SYN3: variants seen among roughly 807,000 people sequenced by gnomAD.
The protein encoded by SYN3 is synapsin III, also known as synapsin-3.
Under a neutral mutation model 65.8 loss-of-function variants are expected in SYN3, and 35 were observed. That is an observed-to-expected ratio of 0.53 (90% CI 0.41 to 0.70). The LOEUF is 0.70. SYN3 is among the 30% of genes least tolerant of loss of function. The pLI, the probability that SYN3 is intolerant of heterozygous loss-of-function variation, is 0.00. For synonymous variants in SYN3, 270 were observed against 292.9 expected (o/e 0.92, Z 0.80); for missense variants, 680 against 749.0 (o/e 0.91, Z 1.08).
intron 6 of SYN3, among the ~76,000 whole-genome samples, chr22:32,863,332 A>AC (rs1355817949): frequency 6.6e-6 from 1 of 152,126 alleles, no homozygotes; most frequent in Non-Finnish European, 1.5e-5. Flanking sequence ...TGGTACAAGT[A>AC]CCCCCAGACT....
intron 6 of SYN3, among the ~76,000 whole-genome samples, chr22:32,615,274 A>C (rs1296978663): frequency 6.6e-6 from 1 of 151,898 alleles, no homozygotes; most frequent in African/African-American, 2.4e-5. Flanking sequence ...GTCTCTACTA[A>C]AAATACAAAA....
chr22:32,682,198 C>A lies in SYN3; in HGVS notation c.712-85462G>T, dbSNP rs1008154625. Among the ~76,000 whole-genome samples, 4 of 152,264 alleles carry A rather than the reference C, an allele frequency of 2.6e-5. No individual in the cohort carries two copies. In the South Asian group the frequency reaches 8.3e-4, roughly 32 times the overall value. On this transcript the variant is annotated intron_variant, in intron 6 of 13. Coordinates refer to ENST00000358763, the MANE Select transcript of SYN3 (RefSeq NM_003490.4). ...ACTTGGGAGTGGGGGTGGGATGCTA[C>A]TGGCCTCTAGTAGGCAAAGGTCAGG...
At chr22:32,747,889 A>G (rs531533562) in intron 6 of SYN3, among the ~76,000 whole-genome samples, 114 of 152,324 alleles carry the variant, frequency 7.5e-4, no homozygotes, top group African/African-American at 2.6e-3. Context: ...CAGTACAGGT[A>G]CACTGGCCAC....
intron 1 of SYN3, among the ~76,000 whole-genome samples, chr22:33,050,908 C>T (rs905319892): frequency 1.3e-5 from 2 of 152,158 alleles, no homozygotes; most frequent in African/African-American, 4.8e-5. Flanking sequence ...AAATTAAAAC[C>T]CGTATAAAGC....
At position 32,528,878 on chromosome 22, in the gene SYN3, G is replaced by A. The variant is rs1335749811; in HGVS notation, c.1226C>T (p.Pro409Leu). The change falls in exon 11 of 14, where the codon CCT becomes CTT. Residue 409 changes from proline (P) to leucine (L), a missense_variant. Physicochemically the swap from Pro to Leu is moderately conservative, Grantham distance 98. Transcript: ENST00000358763. The part of the protein sequence containing the change: ...PGGTAPSPLR[P>L]WAPQIKSAKS... ...CTTTGATCGTGAGGGTCTTACCCAA[G>A]GTCTGAGGGGGGAGGGCGCTGTGCC... The A allele has an allele frequency of 1.9e-6, 3 of 1,614,160 alleles. No individual in the cohort carries two copies. Among genetic ancestry groups the A allele is most frequent in the Non-Finnish European group, 2.5e-6 (3 of 1,180,030 alleles).
chr22:32,813,675 T>C (rs1346414789), intron 6 of SYN3, among the ~76,000 whole-genome samples: 2 of 151,780 alleles, frequency 1.3e-5, no homozygotes, highest in Non-Finnish European at 2.9e-5. Flanking sequence ...TTTTTTTTTT[T>C]TGGCAAAATG....
intron 4 of SYN3, among the ~76,000 whole-genome samples, chr22:32,930,512 C>CT (rs963593992): frequency 1.1e-4 from 16 of 151,268 alleles, no homozygotes; most frequent in Admixed American, 2.0e-4. Context: ...AAACATGCAC[C>CT]TTTTTTTTTG....
intron 6 of SYN3, among the ~76,000 whole-genome samples, chr22:32,840,735 C>T (rs1361864508): frequency 6.6e-6 from 1 of 152,184 alleles, no homozygotes; most frequent in Non-Finnish European, 1.5e-5. Context: ...GGCTGAGGCT[C>T]AGATCTGATG....
chr22:32,573,360 C>T (rs1006508304), intron 7 of SYN3, among the ~76,000 whole-genome samples: 1 of 152,126 alleles, frequency 6.6e-6, no homozygotes, highest in Non-Finnish European at 1.5e-5. Context: ...AGAATAAGGC[C>T]TCTCCTTCCA....
chr22:32,545,699 T>C (rs948086519), intron 7 of SYN3, among the ~76,000 whole-genome samples: 2 of 152,210 alleles, frequency 1.3e-5, no homozygotes, highest in Non-Finnish European at 2.9e-5. Flanking sequence ...TAGCTGGGAC[T>C]ACAGGTGCGT....
intron 6 of SYN3, among the ~76,000 whole-genome samples, chr22:32,844,731 A>T (rs2146214591): frequency 6.7e-6 from 1 of 150,102 alleles, no homozygotes; most frequent in East Asian, 2.0e-4. Context: ...TTTTGCTGAG[A>T]CAGAGTCTTG....
chr22:32,564,060 G>A (rs1028190601), intron 7 of SYN3, among the ~76,000 whole-genome samples: 6 of 152,176 alleles, frequency 3.9e-5, no homozygotes, highest in Middle Eastern at 3.2e-3. Context: ...GGGGGGCCAC[G>A]CAATCCTTAG....
intron 6 of SYN3, among the ~76,000 whole-genome samples, chr22:32,675,205 C>T (rs1891506418): frequency 6.6e-6 from 1 of 152,196 alleles, no homozygotes; most frequent in African/African-American, 2.4e-5. Flanking sequence ...TGGCCCCTGA[C>T]CTGGCTGGAC....
intron 6 of SYN3, among the ~76,000 whole-genome samples, chr22:32,696,600 CT>C (rs756790652): frequency 2.6e-5 from 4 of 152,190 alleles, no homozygotes; most frequent in Non-Finnish European, 5.9e-5. Context: ...GGGACCATGA[CT>C]TAACTTGTTT....
Position 32,508,201 on chromosome 22 carries a change from T to C in SYN3, c.*5491A>G, listed in dbSNP as rs1013497579. The stretch of plus-strand genomic sequence containing the variant: ...CCCTGCCCCGCCTTAACTGATGACA[T>C]TCCACCATTGTGATTTGTTCCTGCC... On this transcript the variant is annotated 3_prime_UTR_variant, in exon 14 of 14. Transcript: ENST00000358763. 5.9e-5 allele frequency among the ~76,000 whole-genome samples: 9 copies of C among 152,106 alleles called. No individual in the cohort carries two copies. The highest frequency in any genetic ancestry group is 8.8e-5 in the Non-Finnish European group (6 of 68,018).
intron 6 of SYN3, among the ~76,000 whole-genome samples, chr22:32,657,946 T>C (rs958514362): frequency 6.6e-6 from 1 of 152,172 alleles, no homozygotes; most frequent in African/African-American, 2.4e-5. Flanking sequence ...CCTAGGACAG[T>C]GTTTGCATCT....
intron 1 of SYN3, among the ~76,000 whole-genome samples, chr22:33,037,812 C>T (rs1314661556): frequency 6.6e-6 from 1 of 152,152 alleles, no homozygotes; most frequent in Non-Finnish European, 1.5e-5. Flanking sequence ...AAGGTGTTAC[C>T]TGCACCTCCA....
chr22:32,593,687 T>C (rs539333743), intron 7 of SYN3, among the ~76,000 whole-genome samples: 2 of 152,064 alleles, frequency 1.3e-5, no homozygotes, highest in Non-Finnish European at 2.9e-5. Flanking sequence ...GAGGTTTCCA[T>C]GGGAGACAAA....
At chr22:33,055,311 G>C (rs970551697) in intron 1 of SYN3, among the ~76,000 whole-genome samples, 2 of 152,036 alleles carry the variant, frequency 1.3e-5, no homozygotes, top group African/African-American at 4.8e-5. Flanking sequence ...ACTCATCTCG[G>C]GCCACTCCAC....
Sources: allele counts gnomAD v4.1 joint callset (sites outside exome capture counted in the v4.1 genomes callset), GRCh38; gene constraint gnomAD v4.1.1; transcripts MANE v1.5; gene names NCBI Gene and HGNC (gene_info 2026-07-23, HGNC 2026-07-21).